BLZF1: variants seen among roughly 807,000 people sequenced by gnomAD.
The protein encoded by BLZF1 is basic leucine zipper nuclear factor 1.
In BLZF1, 39 loss-of-function variants were observed where a neutral mutation model predicts 43.8. The ratio of observed to expected loss-of-function variants is 0.89; its 90% confidence interval spans 0.69 to 1.16. The LOEUF (loss-of-function observed/expected upper bound fraction) is 1.16. BLZF1 is among the 50% of genes most tolerant of loss of function. The probability of loss-of-function intolerance (pLI) is 0.00; values close to 1 mark genes in which losing one functional copy is unlikely to be tolerated. For synonymous variants in BLZF1, 136 were observed against 159.4 expected (o/e 0.85, Z 1.11); for missense variants, 449 against 469.8 (o/e 0.96, Z 0.41).
intron 2 of BLZF1, among the ~76,000 whole-genome samples, chr1:169,371,960 A>G (rs1408314835): frequency 6.6e-6 from 1 of 152,206 alleles, no homozygotes; most frequent in Non-Finnish European, 1.5e-5. Context: ...AAGAGAGGCT[A>G]TACTATGGGA....
At chr1:169,373,460 T>C (rs1654192635) in intron 2 of BLZF1, among the ~76,000 whole-genome samples, 1 of 152,148 alleles carries the variant, frequency 6.6e-6, no homozygotes, top group Non-Finnish European at 1.5e-5. Context: ...GTAATAAAGG[T>C]TTCTAGGTAT....
At chr1:169,370,743 C>T (rs534231407) in intron 2 of BLZF1, among the ~76,000 whole-genome samples, 1 of 152,140 alleles carries the variant, frequency 6.6e-6, no homozygotes, top group East Asian at 1.9e-4. Flanking sequence ...TTTTAAATAT[C>T]AACACTTTCC....
intron 6 of BLZF1, among the ~76,000 whole-genome samples, chr1:169,383,549 G>A (rs2280257): frequency 0.045 from 6,803 of 152,104 alleles, 211 homozygotes; most frequent in East Asian, 0.12. Flanking sequence ...AATTCCTACC[G>A]TCACTTAAAT....
At chr1:169,393,727 G>C (rs886428344) in intron 7 of BLZF1, among the ~76,000 whole-genome samples, 8 of 151,952 alleles carry the variant, frequency 5.3e-5, no homozygotes, top group African/African-American at 1.9e-4. Flanking sequence ...TCAGCCTCCT[G>C]AGTAGCTGGG....
rs577917716 is a variant in BLZF1, at chr1:169,374,486, C to T, written c.29-2054C>T. ...TAAAAGTAGAGTCAATCCCAAGGCC[C>T]AAGGGGTGTTTAAACTTAGTTTACA... On this transcript the variant is annotated intron_variant, in intron 2 of 6. Coordinates refer to ENST00000367808, the MANE Select transcript of BLZF1 (RefSeq NM_001320973.2). Among the ~76,000 whole-genome samples the T allele has an allele frequency of 1.1e-4, 16 of 152,132 alleles. 1 individual carries two copies. The South Asian group carries it at 2.9e-3, about 28-fold the overall frequency.
chr1:169,393,597 A>C (rs541631418), intron 7 of BLZF1, among the ~76,000 whole-genome samples: 34 of 149,854 alleles, frequency 2.3e-4, no homozygotes, highest in South Asian at 8.4e-4. Flanking sequence ...GGAAAAAAAA[A>C]AACAACTTTG....
chr1:169,395,516 G>A (rs1014636159), intron 7 of BLZF1, among the ~76,000 whole-genome samples: 1 of 152,036 alleles, frequency 6.6e-6, no homozygotes, highest in Non-Finnish European at 1.5e-5. Context: ...TTTAGAAACA[G>A]GATTTCTTAC....
downstream of BLZF1, among the ~76,000 whole-genome samples, chr1:169,390,532 A>G (rs937773411): frequency 1.3e-5 from 2 of 152,226 alleles, no homozygotes; most frequent in African/African-American, 2.4e-5. Flanking sequence ...CTGTACACCA[A>G]TAAACTAGGT....
In BLZF1 at chr1:169,369,508, G is replaced by C; in HGVS notation, c.-15G>C. On this transcript the variant is annotated 5_prime_UTR_variant, in exon 2 of 7. Coordinates refer to ENST00000367808, the MANE Select transcript of BLZF1 (RefSeq NM_001320973.2). ...AGAAGTCTTGGAGTGCATTTTCAGT[G>C]GTTAAGGTGAAAAAATGACTACTAA... 2 of 1,608,874 alleles carry C rather than the reference G, an allele frequency of 1.2e-6. No individual in the cohort carries two copies. Among genetic ancestry groups the C allele is most frequent in the Non-Finnish European group, 1.7e-6 (2 of 1,177,044 alleles).
intron 1 of BLZF1, among the ~76,000 whole-genome samples, chr1:169,369,088 G>C (rs12023892): frequency 6.6e-6 from 1 of 152,114 alleles, no homozygotes; most frequent in Non-Finnish European, 1.5e-5. Context: ...ATATGTGTGT[G>C]TGTGTATACA....
Position 169,387,210 on chromosome 1 carries a change from GTACTTCC to G in BLZF1, c.*30_*36del. The G allele has an allele frequency of 6.3e-7, 1 of 1,593,358 alleles. No individual in the cohort carries two copies. Among genetic ancestry groups the G allele is most frequent in the Non-Finnish European group, 8.5e-7 (1 of 1,170,482 alleles). ...GTCAATATGTTGGAGGCATGCTAAG[GTACTTCC>G]TTATTACCCAAGAGTCATTATTATT... On this transcript the variant is annotated 3_prime_UTR_variant, in exon 7 of 7. Coordinates refer to ENST00000367808, the MANE Select transcript of BLZF1 (RefSeq NM_001320973.2).
chr1:169,370,546 A>T (rs1249782583), intron 2 of BLZF1, among the ~76,000 whole-genome samples: 1 of 152,128 alleles, frequency 6.6e-6, no homozygotes, highest in Non-Finnish European at 1.5e-5. Context: ...TGGCTATTTG[A>T]ATTTAAATTA....
At chr1:169,395,663 A>G (rs1446766002) in intron 7 of BLZF1, among the ~76,000 whole-genome samples, 1 of 152,248 alleles carries the variant, frequency 6.6e-6, no homozygotes, top group Non-Finnish European at 1.5e-5. Flanking sequence ...TTTTAAGTCC[A>G]CAAAATAGTT....
At chr1:169,391,347 T>C (rs1348493186), downstream of BLZF1, among the ~76,000 whole-genome samples, 2 of 152,166 alleles carry the variant, frequency 1.3e-5, no homozygotes, top group Non-Finnish European at 2.9e-5. Flanking sequence ...CAGGACAGCC[T>C]TCAAGGGGGT....
intron 2 of BLZF1, among the ~76,000 whole-genome samples, chr1:169,375,336 A>G (rs1248174886): frequency 8.3e-6 from 1 of 120,900 alleles, no homozygotes; most frequent in Non-Finnish European, 1.8e-5. Context: ...ACACACATAT[A>G]TATATAAAAC....
Position 169,387,306 on chromosome 1 carries a change from C to T in BLZF1, c.*124C>T, listed in dbSNP as rs1654705735. The stretch of plus-strand genomic sequence containing the variant: ...CTTCCTATTTACATAATGTATACAC[C>T]CAAAGATATTTTATGTACTAGACTC... On this transcript the variant is annotated 3_prime_UTR_variant, in exon 7 of 7. Transcript: ENST00000367808. 4 of 831,062 alleles carry T rather than the reference C, an allele frequency of 4.8e-6. No homozygotes were observed. The highest frequency in any genetic ancestry group is 5.5e-6 in the Non-Finnish European group (3 of 546,360). 51.5% of individuals were successfully genotyped at this position (831,062 alleles called of 1,614,324 possible).
Position 169,376,467 on chromosome 1 carries a change from G to A in BLZF1, c.29-73G>A, listed in dbSNP as rs1218980262. 9.7e-6 allele frequency: 13 copies of A among 1,335,636 alleles called. 1 individual carries two copies. Among genetic ancestry groups the A allele is most frequent in the Middle Eastern group, 1.9e-4 (1 of 5,286 alleles). The allele number at this position is 1,335,636 out of a possible 1,614,324, so 82.7% of individuals were successfully genotyped here. ...TAGTGCCAGTAATTTTGAATATAGG[G>A]TATAGCATGTATTAGCATTTTCTTG... On this transcript the variant is annotated intron_variant, in intron 2 of 6. Coordinates refer to ENST00000367808, the MANE Select transcript of BLZF1 (RefSeq NM_001320973.2).
intron 6 of BLZF1, among the ~76,000 whole-genome samples, chr1:169,384,211 A>G (rs1034456872): frequency 6.6e-6 from 1 of 152,134 alleles, no homozygotes; most frequent in Non-Finnish European, 1.5e-5. Flanking sequence ...GCAGTTTCCA[A>G]TATATTGTAA....
At chr1:169,380,692 G>C in intron 5 of BLZF1, 83 bp downstream of exon 5, 1 of 1,527,946 alleles carries the variant, frequency 6.5e-7, no homozygotes, top group Non-Finnish European at 9.0e-7. Flanking sequence ...TTGTTTGTTT[G>C]TTTTTGTTTT....
Sources: gnomAD v4.1 joint callset for allele counts (sites outside exome capture counted in the v4.1 genomes callset) on GRCh38, gnomAD v4.1.1 for gene constraint, MANE v1.5 for transcripts, NCBI Gene and HGNC (gene_info 2026-07-23, HGNC 2026-07-21) for gene names.